The following RAP1GAP2 variants were observed in gnomAD, a reference collection of about 807,000 sequenced individuals.
The protein encoded by RAP1GAP2 is rap1 GTPase-activating protein 2.
In RAP1GAP2, 27 loss-of-function variants were observed where a neutral mutation model predicts 95.0. The ratio of observed to expected loss-of-function variants is 0.28; its 90% CI spans 0.21 to 0.39. The LOEUF is 0.39. Among genes scored for constraint, RAP1GAP2 ranks in the 10% least tolerant of loss-of-function variants. The pLI is 1.00. For synonymous variants in RAP1GAP2, 373 were observed against 380.9 expected, an observed-to-expected ratio of 0.98 and a Z score of 0.24; for missense variants, 771 against 970.0, an observed-to-expected ratio of 0.79 and a Z score of 2.72.
chr17:2,844,754 T>G (rs962115550), intron 2 of RAP1GAP2, among the ~76,000 whole-genome samples: 3 of 152,170 alleles, frequency 2.0e-5, no homozygotes, highest in African/African-American at 7.2e-5. Flanking sequence ...TGTCGTTGGC[T>G]AAGCCAAGCC....
chr17:2,881,629 T>A (rs1306084359), intron 2 of RAP1GAP2, among the ~76,000 whole-genome samples: 1 of 152,236 alleles, frequency 6.6e-6, no homozygotes, highest in Non-Finnish European at 1.5e-5. Context: ...TGTTTTTGTT[T>A]GGAAATGTTT....
intron 2 of RAP1GAP2, among the ~76,000 whole-genome samples, chr17:2,881,899 C>T (rs1427139753): frequency 6.6e-6 from 1 of 152,184 alleles, no homozygotes; most frequent in East Asian, 1.9e-4. Context: ...CGGCTCACTG[C>T]AACCTCTGTC....
Position 2,871,678 on chromosome 17 carries a change from G to T in RAP1GAP2, c.81-33606G>T, listed in dbSNP as rs1457503726. On this transcript the variant is annotated intron_variant, in intron 2 of 24. Transcript: ENST00000254695. The surrounding 1 kb of genome is among the most constrained non-coding windows in gnomAD (Gnocchi z 5.0). ...TGCTGATTTCATTGGGGTTCAATTG[G>T]TACCATCCCATGGGCAGTACAGTTT... is the stretch of plus-strand genomic sequence containing the variant. Among the ~76,000 whole-genome samples, 3 of 152,134 alleles carry T rather than the reference G, an allele frequency of 2.0e-5. No homozygotes were observed. Among genetic ancestry groups the T allele is most frequent in the Non-Finnish European group, 2.9e-5 (2 of 68,030 alleles).
At chr17:2,764,386 T>G (rs151050025) in intron 1 of RAP1GAP2, among the ~76,000 whole-genome samples, 141 of 125,214 alleles carry the variant, frequency 1.1e-3, no homozygotes, top group African/African-American at 4.2e-3. Flanking sequence ...GAGCCTAGAT[T>G]GCGCCATTGC....
intron 12 of RAP1GAP2, among the ~76,000 whole-genome samples, chr17:2,992,256 G>A (rs192715209): frequency 2.6e-5 from 4 of 151,520 alleles, no homozygotes; most frequent in Non-Finnish European, 5.9e-5. Context: ...TGCCTCCTGG[G>A]TTCAAGCGAT....
upstream of RAP1GAP2, among the ~76,000 whole-genome samples, chr17:2,775,268 G>A (rs1472070183): frequency 6.6e-6 from 1 of 152,158 alleles, no homozygotes; most frequent in African/African-American, 2.4e-5. Flanking sequence ...AGAGACAGAC[G>A]ATAAACATGT....
In RAP1GAP2 at chr17:2,825,902, G is replaced by A. The variant is rs1013112153; in HGVS notation, c.80+25352G>A. Among the ~76,000 whole-genome samples the A allele has an allele frequency of 5.9e-5, 9 of 152,078 alleles. No homozygotes were observed. The highest frequency in any genetic ancestry group is 2.6e-4 in the Admixed American group (4 of 15,256). Reference sequence around the variant, plus strand: ...TGAGGGAAGGCTTCTTGAAGGAGGCGGCGCTGGAAGGTTGAAAAGGAATCC... The same window carrying A: ...TGAGGGAAGGCTTCTTGAAGGAGGCAGCGCTGGAAGGTTGAAAAGGAATCC... On this transcript the variant is annotated intron_variant, in intron 2 of 24. Transcript: ENST00000254695. The surrounding 1 kb of genome is among the most constrained non-coding windows in gnomAD (Gnocchi z 4.1).
At position 2,945,829 on chromosome 17, in the gene RAP1GAP2, G is replaced by A. The variant is rs374183425; in HGVS notation, c.166-11930G>A. Among the ~76,000 whole-genome samples the A allele has an allele frequency of 8.7e-5, 13 of 149,760 alleles. 1 individual carries two copies. Among genetic ancestry groups the A allele is most frequent in the East Asian group, 2.0e-4 (1 of 5,112 alleles). On this transcript the variant is annotated intron_variant, in intron 3 of 24. Coordinates refer to ENST00000254695, the MANE Select transcript of RAP1GAP2 (RefSeq NM_015085.5). ...TTTTTGAGACGAGTTTTGCTCTTTCGCCCAGGCTGGAGTACAGTGGCACAA... is the reference window on the plus strand; with the variant it reads ...TTTTTGAGACGAGTTTTGCTCTTTCACCCAGGCTGGAGTACAGTGGCACAA...
At chr17:2,757,338 TCTCGAA>T (rs1486471438) in intron 1 of RAP1GAP2, among the ~76,000 whole-genome samples, 3 of 152,114 alleles carry the variant, frequency 2.0e-5, no homozygotes, top group Non-Finnish European at 4.4e-5. Flanking sequence ...CCATAGCTAG[TCTCGAA>T]CTCCTGGGCT....
intron 2 of RAP1GAP2, among the ~76,000 whole-genome samples, chr17:2,807,839 C>T (rs867805068): frequency 1.1e-4 from 16 of 152,004 alleles, no homozygotes; most frequent in African/African-American, 3.1e-4. Context: ...ATGGTGAGCT[C>T]GAGTCTGAGA....
At position 3,027,205 on chromosome 17, in the gene RAP1GAP2, T is replaced by C; in HGVS notation, c.2107+135T>C. 2 of 1,127,654 alleles carry C rather than the reference T, an allele frequency of 1.8e-6. No homozygotes were observed. The highest frequency in any genetic ancestry group is 2.4e-6 in the Non-Finnish European group (2 of 829,990). The allele number at this position is 1,127,654 out of a possible 1,614,324, so 69.9% of individuals were successfully genotyped here. ...CCCAGCTGTGAGGCCCTCCGCTCTG[T>C]GCGCCCGCCTCTTCTGTTCATCAGC... On this transcript the variant is annotated intron_variant, in intron 22 of 24. Coordinates refer to ENST00000254695, the MANE Select transcript of RAP1GAP2 (RefSeq NM_015085.5). This position sits in a 1 kb window ranked among gnomAD's most constrained non-coding sequence, Gnocchi z 5.2.
At chr17:2,949,137 G>C (rs1171358747) in intron 3 of RAP1GAP2, among the ~76,000 whole-genome samples, 1 of 152,208 alleles carries the variant, frequency 6.6e-6, no homozygotes, top group Non-Finnish European at 1.5e-5. Flanking sequence ...TTCCTCAGCT[G>C]AGTGCTGGCT....
chr17:2,987,142 A>C (rs929064199), intron 11 of RAP1GAP2, among the ~76,000 whole-genome samples: 1 of 152,196 alleles, frequency 6.6e-6, no homozygotes, highest in African/African-American at 2.4e-5. Context: ...TTTATCGATA[A>C]ACACAGGCAG....
chr17:2,992,669 T>G (rs568375527), intron 12 of RAP1GAP2, among the ~76,000 whole-genome samples: 1 of 152,296 alleles, frequency 6.6e-6, no homozygotes, highest in South Asian at 2.1e-4. Flanking sequence ...TCACATCGTG[T>G]GAAAATACCT....
chr17:2,763,560 G>A (rs1236971881), intron 1 of RAP1GAP2, among the ~76,000 whole-genome samples: 1 of 152,078 alleles, frequency 6.6e-6, no homozygotes, highest in African/African-American at 2.4e-5. Context: ...GCTGGGCGTG[G>A]TGGCGGGTGC....
intron 2 of RAP1GAP2, among the ~76,000 whole-genome samples, chr17:2,826,108 G>A (rs2070544905): frequency 6.7e-6 from 1 of 149,008 alleles, no homozygotes; most frequent in African/African-American, 2.5e-5. Context: ...AGCTTCCCGA[G>A]TAGCTGGGAT....
chr17:2,994,311 T>TGA, intron 12 of RAP1GAP2, among the ~76,000 whole-genome samples: 1 of 152,260 alleles, frequency 6.6e-6, no homozygotes, highest in East Asian at 1.9e-4. Context: ...AGATTCTAGG[T>TGA]CCATCTTATT....
rs112141453 is a variant in RAP1GAP2, at chr17:2,863,059, AGTGTCTGGGTG to A, written c.81-42221_81-42211del. Among the ~76,000 whole-genome samples the A allele has an allele frequency of 2.7e-3, 409 of 151,144 alleles. 3 individuals carry two copies. Among genetic ancestry groups the A allele is most frequent in the African/African-American group, 9.2e-3 (381 of 41,230 alleles). On this transcript the variant is annotated intron_variant, in intron 2 of 24. Coordinates refer to ENST00000254695, the MANE Select transcript of RAP1GAP2 (RefSeq NM_015085.5). ...CCATCACTTTAGGGATTCCACTAAGAGTGTCTGGGTGGTGCCCGGGGTACCCTTTATACCCA... is the reference window on the plus strand; with the variant it reads ...CCATCACTTTAGGGATTCCACTAAGAGTGCCCGGGGTACCCTTTATACCCA...
At chr17:2,971,563 A>T (rs2044868427) in intron 8 of RAP1GAP2, among the ~76,000 whole-genome samples, 1 of 152,162 alleles carries the variant, frequency 6.6e-6, no homozygotes, top group Non-Finnish European at 1.5e-5. Context: ...AATGGACCTC[A>T]TCTTTACAAA....
Sources: gnomAD v4.1 joint callset for allele counts (sites outside exome capture counted in the v4.1 genomes callset) on GRCh38, gnomAD v4.1.1 for gene constraint, Gnocchi (gnomAD v3.1) non-coding constraint, MANE v1.5 for transcripts, NCBI Gene and HGNC (gene_info 2026-07-23, HGNC 2026-07-21) for gene names.